Variants in SIGIRR observed in about 807,000 individuals in gnomAD.
SIGIRR encodes single Ig IL-1-related receptor.
Under a neutral mutation model 45.6 loss-of-function variants are expected in SIGIRR, and 41 were observed. That is an observed-to-expected ratio of 0.90 (90% CI 0.70 to 1.17). The LOEUF (loss-of-function observed/expected upper bound fraction) is 1.17, where lower values mean the gene tolerates loss of function less well. Ranked by LOEUF, SIGIRR falls within the 50% of genes most tolerant of loss-of-function variation. The pLI, the probability that SIGIRR is intolerant of heterozygous loss-of-function variation, is 0.00. For missense variants in SIGIRR, 599 were observed against 539.6 expected (o/e 1.11, Z -1.09); for synonymous variants, 298 against 239.0 (o/e 1.25, Z -2.28).
chr11:409,726 G>T, intron 2 of SIGIRR, 142 bp downstream of exon 2: 1 of 927,086 alleles, frequency 1.1e-6, no homozygotes, highest in Non-Finnish European at 1.5e-6. Flanking sequence ...CCAGTGGGAG[G>T]GGTGAGCAGG....
At chr11:415,262 C>A (rs1225424148), upstream of SIGIRR, among the ~76,000 whole-genome samples, 1 of 134,472 alleles carries the variant, frequency 7.4e-6, no homozygotes, top group African/African-American at 2.7e-5. This position sits in a 1 kb window ranked among gnomAD's most constrained non-coding sequence, Gnocchi z 6.6. Context: ...AGTGTGTCTG[C>A]GTGTGTGCAA....
At chr11:410,585 G>A (rs113758305) in intron 1 of SIGIRR, among the ~76,000 whole-genome samples, 5,612 of 104,466 alleles carry the variant, frequency 0.054, 263 homozygotes, top group African/African-American at 0.12. Flanking sequence ...TCGGCGGGGG[G>A]CTTTGCTTAG....
chr11:405,794 G>T lies in SIGIRR; in HGVS notation c.*102C>A. On this transcript the variant is annotated 3_prime_UTR_variant, in exon 10 of 10. Coordinates refer to ENST00000431843, the MANE Select transcript of SIGIRR (RefSeq NM_001135054.2). The stretch of plus-strand genomic sequence containing the variant: ...GCCTTTTCCCAGGGCTGCTGGCAGG[G>T]TCCCAGGGCTGCTGGCAGGGGTTGT... The T allele has an allele frequency of 1.4e-6, 2 of 1,417,214 alleles. No individual in the cohort carries two copies. Among genetic ancestry groups the T allele is most frequent in the Non-Finnish European group, 1.9e-6 (2 of 1,054,082 alleles). 87.8% of individuals were successfully genotyped at this position (1,417,214 alleles called of 1,614,324 possible).
At position 409,889 on chromosome 11, in the gene SIGIRR, G is replaced by C. The variant is rs758829283; in HGVS notation, c.-15C>G. ...CTACCTGGCATGGCTCTGAGCCGGG[G>C]CCTCCTCGGGGCAGGCTGGGCTCCA... On this transcript the variant is annotated 5_prime_UTR_variant, in exon 2 of 10. Transcript: ENST00000431843. 2 of 1,319,476 alleles carry C rather than the reference G, an allele frequency of 1.5e-6. No homozygotes were observed. Among genetic ancestry groups the C allele is most frequent in the Non-Finnish European group, 1.9e-6 (2 of 1,027,456 alleles). 81.7% of individuals were successfully genotyped at this position (1,319,476 alleles called of 1,614,324 possible).
Position 406,332 on chromosome 11 carries a change from G to C in SIGIRR, c.1069+17C>G, listed in dbSNP as rs1266963432. ...GCTGAGCTTCTCCAGTTGGGGAGTGGGGCTGGGCGGGCATACCCAGGTCGC... is the reference window on the plus strand; with the variant it reads ...GCTGAGCTTCTCCAGTTGGGGAGTGCGGCTGGGCGGGCATACCCAGGTCGC... On this transcript the variant is annotated intron_variant, in intron 9 of 9. Transcript: ENST00000431843. 1.2e-6 allele frequency: 2 copies of C among 1,610,762 alleles called. No homozygotes were observed. Among genetic ancestry groups the C allele is most frequent in the Non-Finnish European group, 1.7e-6 (2 of 1,179,218 alleles).
intron 2 of SIGIRR, 135 bp downstream of exon 2, chr11:409,733 C>A: frequency 2.0e-6 from 2 of 1,016,192 alleles, no homozygotes; most frequent in Non-Finnish European, 1.3e-6. Flanking sequence ...GAGGGGTGAG[C>A]AGGGGCCTTT....
intron 1 of SIGIRR, among the ~76,000 whole-genome samples, chr11:414,595 A>G (rs1430295153): frequency 6.6e-6 from 1 of 152,010 alleles, no homozygotes; most frequent in Non-Finnish European, 1.5e-5. Context: ...AGTATATACA[A>G]CACCCATTGC....
In SIGIRR at chr11:409,090, G is replaced by A. The variant is rs935480853; in HGVS notation, c.8-197C>T. On this transcript the variant is annotated intron_variant, in intron 2 of 9. Coordinates refer to ENST00000431843, the MANE Select transcript of SIGIRR (RefSeq NM_001135054.2). ...GTAGTGGCCAGGCTTTGGGTGTTCC[G>A]CCCACCCTGTGCTGAGGGGACAGAG... is the stretch of plus-strand genomic sequence containing the variant. The A allele has an allele frequency of 1.3e-4, 83 of 616,186 alleles. 1 individual carries two copies. The East Asian group carries it at 1.8e-3, about 14-fold the overall frequency. 38.2% of individuals were successfully genotyped at this position (616,186 alleles called of 1,614,324 possible).
chr11:406,673 C>T, intron 8 of SIGIRR, 135 bp from the exon 9 acceptor site: 4 of 1,410,198 alleles, frequency 2.8e-6, no homozygotes, highest in Non-Finnish European at 3.7e-6. Context: ...CCGGGGGCCT[C>T]AAGGGCGGCT....
chr11:410,108 C>G, intron 1 of SIGIRR, 81 bp from the exon 2 acceptor site: 1 of 1,190,600 alleles, frequency 8.4e-7, no homozygotes, highest in Non-Finnish European at 1.1e-6. Context: ...AGCACTGGCC[C>G]TGACCAGATG....
At chr11:414,686 C>A (rs201118204) in intron 1 of SIGIRR, 137 bp downstream of exon 1, 1 of 516,916 alleles carries the variant, frequency 1.9e-6, no homozygotes, top group African/African-American at 2.1e-5. Context: ...GCCGCTGATG[C>A]GACACAGCCT....
intron 9 of SIGIRR, 142 bp downstream of exon 9, chr11:406,207 G>A: frequency 6.5e-7 from 1 of 1,538,738 alleles, no homozygotes; most frequent in Non-Finnish European, 8.7e-7. Flanking sequence ...AGCACCTCCA[G>A]GGCAGAGGCC....
chr11:406,427 T>C lies in SIGIRR; in HGVS notation c.991A>G (p.Met331Val), dbSNP rs1200719206. Residue 331 changes from methionine to valine, a missense_variant, in exon 9 of 10, where the codon ATG (methionine) becomes GTG (valine). Coordinates refer to ENST00000431843, the MANE Select transcript of SIGIRR (RefSeq NM_001135054.2). Reference sequence around the variant, plus strand: ...GGGACTCGGCCTCGAAGAATCAGCATGGGGTCCTTGTCGTCCTGCAGCTGC... The same window carrying C: ...GGGACTCGGCCTCGAAGAATCAGCACGGGGTCCTTGTCGTCCTGCAGCTGC... ...QTQLQDDKDPMLILRGRVPEG... is the reference protein window; with the variant it reads ...QTQLQDDKDPVLILRGRVPEG... 6.2e-7 allele frequency: 1 copy of C among 1,612,726 alleles called. No homozygotes were observed. Among genetic ancestry groups the C allele is most frequent in the Non-Finnish European group, 8.5e-7 (1 of 1,179,902 alleles).
Position 408,722 on chromosome 11 carries a change from C to A in SIGIRR, c.179G>T (p.Gly60Val). Residue 60 changes from glycine (G) to valine (V), a missense_variant, in exon 3 of 10, where the codon GGC becomes GTC. Gly to Val is a moderately radical substitution (Grantham distance 109). Transcript: ENST00000431843. ...GGAGTACTCGTGGAGGCTGTAGTGG[C>A]CCCCAATTCCCAATGGAAGCCCGTC... The part of the protein sequence containing the change: ...LKDGLPLGIG[G>V]HYSLHEYSWV... 1 of 1,612,726 alleles carries A rather than the reference C, an allele frequency of 6.2e-7. No homozygotes were observed. Among genetic ancestry groups the A allele is most frequent in the Non-Finnish European group, 8.5e-7 (1 of 1,179,956 alleles).
chr11:411,286 C>T (rs1304566838), intron 1 of SIGIRR, among the ~76,000 whole-genome samples: 1 of 19,872 alleles, frequency 5.0e-5, no homozygotes, highest in Non-Finnish European at 9.7e-5. Flanking sequence ...GGGGGGGTGC[C>T]CAGCTCTGAC....
chr11:406,964 G>T lies in SIGIRR; in HGVS notation c.758C>A (p.Thr253Asn). ...REGLCRLLEL[T>N]RRPIFITFEG... ...GAAGGTGATGAAGATGGGTCTGCGG[G>T]TGAGCTCCAGCAGCCGGCACAGGCC... is the stretch of plus-strand genomic sequence containing the variant. Residue 253 changes from threonine (T) to asparagine (N), a missense_variant, in exon 8 of 10, where the codon ACC becomes AAC. Physicochemically the swap from Thr to Asn is moderately conservative, Grantham distance 65. Coordinates refer to ENST00000431843, the MANE Select transcript of SIGIRR (RefSeq NM_001135054.2). 5.6e-6 allele frequency: 9 copies of T among 1,601,686 alleles called. No individual in the cohort carries two copies. The highest frequency in any genetic ancestry group is 6.8e-6 in the Non-Finnish European group (8 of 1,177,588).
At chr11:415,243 T>TGTCTGC, upstream of SIGIRR, among the ~76,000 whole-genome samples, 1 of 80,510 alleles carries the variant, frequency 1.2e-5, no homozygotes, top group African/African-American at 5.1e-5. This position sits in a 1 kb window ranked among gnomAD's most constrained non-coding sequence, Gnocchi z 6.6. Context: ...TGTGTGTGTG[T>TGTCTGC]GTGTGTGCAG....
rs1319445237 is a variant in SIGIRR, at chr11:409,925, T to C, written c.-51A>G. Reference sequence around the variant, plus strand: ...GCAGGCTGGGCTCCAGGGTCACCCCTGGCTCCACCGGGCTCCTCGGCCAGC... The same window carrying C: ...GCAGGCTGGGCTCCAGGGTCACCCCCGGCTCCACCGGGCTCCTCGGCCAGC... On this transcript the variant is annotated 5_prime_UTR_variant, in exon 2 of 10. Transcript: ENST00000431843. The C allele has an allele frequency of 1.0e-5, 13 of 1,278,002 alleles. No individual in the cohort carries two copies. In the Admixed American group the frequency reaches 2.3e-4, roughly 23 times the overall value. The allele number at this position is 1,278,002 out of a possible 1,614,324, so 79.2% of individuals were successfully genotyped here.
At chr11:408,044 T>A in intron 4 of SIGIRR, 29 bp downstream of exon 4, 1 of 1,612,084 alleles carries the variant, frequency 6.2e-7, no homozygotes. Flanking sequence ...GGTCCCCTTC[T>A]ACCCTCCACC....
Sources: gnomAD v4.1 joint callset for allele counts (sites outside exome capture counted in the v4.1 genomes callset) on GRCh38, gnomAD v4.1.1 for gene constraint, Gnocchi (gnomAD v3.1) non-coding constraint, MANE v1.5 for transcripts, NCBI Gene and HGNC (gene_info 2026-07-23, HGNC 2026-07-21) for gene names.